The following PWWP3A variants were observed in gnomAD, a reference collection of about 807,000 sequenced individuals.
The protein encoded by PWWP3A is PWWP domain containing 3A, DNA repair factor, also known as PWWP domain-containing DNA repair factor 3A.
Under a neutral mutation model 79.0 loss-of-function variants are expected in PWWP3A, and 53 were observed. That is an observed-to-expected ratio of 0.67 (90% CI 0.54 to 0.84). The LOEUF is 0.84. Ranked by LOEUF, PWWP3A falls within the 40% of genes least tolerant of loss-of-function variation. The probability of loss-of-function intolerance (pLI) is 0.00; values close to 1 mark genes in which losing one functional copy is unlikely to be tolerated. For synonymous variants in PWWP3A, 443 were observed against 394.4 expected, an observed-to-expected ratio of 1.12 and a Z score of -1.46; for missense variants, 973 against 948.0, an observed-to-expected ratio of 1.03 and a Z score of -0.35.
intron 8 of PWWP3A, among the ~76,000 whole-genome samples, chr19:1,366,703 C>T (rs552413608): frequency 6.6e-6 from 1 of 152,260 alleles, no homozygotes; most frequent in African/African-American, 2.4e-5. Context: ...AAAATGTCCA[C>T]GCAGGTGTGC....
chr19:1,375,282 A>G (rs1464000314), intron 13 of PWWP3A, among the ~76,000 whole-genome samples: 2 of 150,026 alleles, frequency 1.3e-5, no homozygotes, highest in Non-Finnish European at 3.0e-5. Context: ...TCTTAAGTGT[A>G]TGGTTCGATG....
At chr19:1,362,103 T>A in intron 5 of PWWP3A, 147 bp from the exon 6 acceptor site, 1 of 514,436 alleles carries the variant, frequency 1.9e-6, no homozygotes, top group Non-Finnish European at 3.4e-6. Flanking sequence ...AGAAGCGCAC[T>A]CTGTTTGAAT....
intron 7 of PWWP3A, among the ~76,000 whole-genome samples, chr19:1,365,643 C>T (rs1404236479): frequency 6.6e-6 from 1 of 152,214 alleles, no homozygotes; most frequent in Non-Finnish European, 1.5e-5. Context: ...GGCTTCTGGA[C>T]CCTCCGCCCT....
chr19:1,376,834 T>C lies in PWWP3A; in HGVS notation c.*258T>C. On this transcript the variant is annotated 3_prime_UTR_variant, in exon 14 of 14. Transcript: ENST00000591337. ...CAAGATACCGTTCGGGAAAGGCTTT[T>C]GAAAGGACGGAAGCGTATTCACTGT... 1 of 419,742 alleles carries C rather than the reference T, an allele frequency of 2.4e-6. No homozygotes were observed. Among genetic ancestry groups the C allele is most frequent in the Non-Finnish European group, 4.3e-6 (1 of 233,120 alleles). The allele number at this position is 419,742 out of a possible 1,614,324, so 26.0% of individuals were successfully genotyped here. A position where few individuals can be genotyped will look rare whatever the true frequency, so the allele number is the denominator to read the frequency against.
At position 1,377,016 on chromosome 19, in the gene PWWP3A, T is replaced by C. The variant is rs1227154202; in HGVS notation, c.*440T>C. 2 of 154,490 alleles carry C rather than the reference T, an allele frequency of 1.3e-5. No individual in the cohort carries two copies. The highest frequency in any genetic ancestry group is 1.4e-5 in the Non-Finnish European group (1 of 69,640). 9.6% of individuals were successfully genotyped at this position (154,490 alleles called of 1,614,324 possible). On this transcript the variant is annotated 3_prime_UTR_variant, in exon 14 of 14. Coordinates refer to ENST00000591337, the MANE Select transcript of PWWP3A (RefSeq NM_001369789.1). Reference sequence around the variant, plus strand: ...GTTCTTCCGGGTTTGCTGTTTTGTCTGTTTCCCCCTTGTGTGGTTTCCGCC... The same window carrying C: ...GTTCTTCCGGGTTTGCTGTTTTGTCCGTTTCCCCCTTGTGTGGTTTCCGCC...
chr19:1,370,271 GCCA>G lies in PWWP3A; in HGVS notation c.1550-366_1550-364del, dbSNP rs542760139. On this transcript the variant is annotated intron_variant, in intron 11 of 13. Coordinates refer to ENST00000591337, the MANE Select transcript of PWWP3A (RefSeq NM_001369789.1). ...CGTGTCACGAACACCGGGATGTTTG[GCCA>G]CCACTTCACTGTCGATCCAGCATTT... Among the ~76,000 whole-genome samples, 80 of 152,278 alleles carry G rather than the reference GCCA, an allele frequency of 5.3e-4. 1 individual carries two copies. The South Asian group carries it at 0.016, about 31-fold the overall frequency.
chr19:1,358,594 C>T (rs567042146), intron 4 of PWWP3A, 130 bp downstream of exon 4: 23 of 1,586,030 alleles, frequency 1.5e-5, no homozygotes, highest in South Asian at 1.1e-4. Context: ...CAAGGGAACG[C>T]GAATCCCCTG....
In PWWP3A at chr19:1,367,096, G is replaced by A. The variant is rs80117987; in HGVS notation, c.1362-64G>A. 4.4e-3 allele frequency: 6,005 copies of A among 1,353,724 alleles called. 228 individuals are homozygous for A. The African/African-American group carries it at 0.078, about 18-fold the overall frequency. The allele number at this position is 1,353,724 out of a possible 1,614,324, so 83.9% of individuals were successfully genotyped here. On this transcript the variant is annotated intron_variant, in intron 8 of 13. Transcript: ENST00000591337. ...TCCACTGATCTTAATCAGAGACAGG[G>A]AAAGGTTTTTAGCTTATTAGAGGAA...
rs968821160 is a variant in PWWP3A at position 1,362,028 on chromosome 19, T to TCTCC, written c.1112-213_1112-210dup. 44 of 381,828 alleles carry TCTCC rather than the reference T, an allele frequency of 1.2e-4. No homozygotes were observed. In the East Asian group the frequency reaches 2.0e-3, roughly 17 times the overall value. The allele number at this position is 381,828 out of a possible 1,614,324, so 23.7% of individuals were successfully genotyped here. On this transcript the variant is annotated intron_variant, in intron 5 of 13. Coordinates refer to ENST00000591337, the MANE Select transcript of PWWP3A (RefSeq NM_001369789.1). Reference sequence around the variant, plus strand: ...CCGCCTTCCCTTCACCGCAGGCCTCTCTCCCTCCCTCCTTCCCTCCTTCCC... The same window carrying TCTCC: ...CCGCCTTCCCTTCACCGCAGGCCTCTCTCCCTCCCTCCCTCCTTCCCTCCTTCCC...
intron 12 of PWWP3A, among the ~76,000 whole-genome samples, chr19:1,371,945 C>T (rs2082270255): frequency 6.6e-6 from 1 of 151,670 alleles, no homozygotes; most frequent in Admixed American, 6.6e-5. Flanking sequence ...GCTGGGACTA[C>T]AGGCGCCCGC....
chr19:1,374,526 G>A (rs1349029491), intron 13 of PWWP3A, among the ~76,000 whole-genome samples: 1 of 152,160 alleles, frequency 6.6e-6, no homozygotes, highest in Non-Finnish European at 1.5e-5. Flanking sequence ...TCCCAAGGCT[G>A]TCCTCCTCAG....
At position 1,368,319 on chromosome 19, in the gene PWWP3A, C is replaced by A. The variant is rs931452500; in HGVS notation, c.1423-946C>A. Among the ~76,000 whole-genome samples, 1 of 152,130 alleles carries A rather than the reference C, an allele frequency of 6.6e-6. No homozygotes were observed. The highest frequency in any genetic ancestry group is 1.5e-5 in the Non-Finnish European group (1 of 68,034). On this transcript the variant is annotated intron_variant, in intron 9 of 13. Coordinates refer to ENST00000591337, the MANE Select transcript of PWWP3A (RefSeq NM_001369789.1). The surrounding 1 kb of genome is among the most constrained non-coding windows in gnomAD (Gnocchi z 4.7). ...AACGCAGAAGGGCTGCCGTTTATAT[C>A]AAAAACCCTGGGTTCTGAGAGCACA...
Position 1,370,947 on chromosome 19 carries a change from C to G in PWWP3A, c.1855C>G (p.Leu619Val). ...GTACGTGACCTGTGTGGAGACCTACCTGGAGGATGAGGGGCAGCTGGACCT... is the reference window on the plus strand; with the variant it reads ...GTACGTGACCTGTGTGGAGACCTACGTGGAGGATGAGGGGCAGCTGGACCT... ...SQYVTCVETY[L>V]EDEGQLDLVV... The change falls in exon 12 of 14, where the codon CTG becomes GTG. Residue 619 changes from leucine to valine, a missense_variant. Coordinates refer to ENST00000591337, the MANE Select transcript of PWWP3A (RefSeq NM_001369789.1). 2 of 1,557,488 alleles carry G rather than the reference C, an allele frequency of 1.3e-6. No individual in the cohort carries two copies. The highest frequency in any genetic ancestry group is 4.8e-5 in the East Asian group (2 of 41,554).
rs2082165789 is a variant in PWWP3A at position 1,368,015 on chromosome 19, C to G, written c.1422+795C>G. ...TCTCAGCTCACTGCAACCTCCACCTCCTGGGTTCATGCGATTCTGCTGCCT... is the reference window on the plus strand; with the variant it reads ...TCTCAGCTCACTGCAACCTCCACCTGCTGGGTTCATGCGATTCTGCTGCCT... On this transcript the variant is annotated intron_variant, in intron 9 of 13. Coordinates refer to ENST00000591337, the MANE Select transcript of PWWP3A (RefSeq NM_001369789.1). This position sits in a 1 kb window ranked among gnomAD's most constrained non-coding sequence, Gnocchi z 4.7. 1.3e-5 allele frequency among the ~76,000 whole-genome samples: 2 copies of G among 152,178 alleles called. No homozygotes were observed. The highest frequency in any genetic ancestry group is 4.8e-5 in the African/African-American group (2 of 41,444).
At chr19:1,371,365 G>T (rs1444959615) in intron 12 of PWWP3A, 5 of 703,432 alleles carry the variant, frequency 7.1e-6, no homozygotes, top group Non-Finnish European at 1.3e-5. Flanking sequence ...TACTGCGGGC[G>T]CACAGATGCT....
In PWWP3A at chr19:1,358,238, A is replaced by G. The variant is rs959596567; in HGVS notation, c.144-156A>G. ...CAGGGTTCTTGCTGCCTGTAACCTC[A>G]GGCAGATGAATTCCTAGTTGGCTGT... On this transcript the variant is annotated intron_variant, in intron 3 of 13. Coordinates refer to ENST00000591337, the MANE Select transcript of PWWP3A (RefSeq NM_001369789.1). The G allele has an allele frequency of 3.0e-4, 189 of 629,636 alleles. 2 individuals carry two copies. Among genetic ancestry groups the G allele is most frequent in the Non-Finnish European group, 3.8e-4 (139 of 365,606 alleles). The allele number at this position is 629,636 out of a possible 1,614,324, so 39.0% of individuals were successfully genotyped here.
At chr19:1,362,037 C>G (rs756646701) in intron 5 of PWWP3A, 25 of 388,202 alleles carry the variant, frequency 6.4e-5, no homozygotes, top group Middle Eastern at 5.6e-4. Flanking sequence ...CTCTCCCTCC[C>G]TCCTTCCCTC....
rs1477371924 is a variant in PWWP3A, at chr19:1,360,264, G to GCTGACCGGT, written c.346_354dup (p.Asp116_Ser118dup). ...AGAAAGCTCTGCAGGGACAGGTAGA[G>GCTGACCGGT]CTGACCGGTCTCTGCGAGGGAAGCC... On this transcript the variant is annotated inframe_insertion, in exon 5 of 14. Transcript: ENST00000591337. The surrounding 1 kb of genome is among the most constrained non-coding windows in gnomAD (Gnocchi z 4.4). 1 of 1,614,042 alleles carries GCTGACCGGT rather than the reference G, an allele frequency of 6.2e-7. No individual in the cohort carries two copies. The highest frequency in any genetic ancestry group is 1.3e-5 in the African/African-American group (1 of 74,948).
chr19:1,368,506 C>T lies in PWWP3A; in HGVS notation c.1423-759C>T, dbSNP rs1311809288. On this transcript the variant is annotated intron_variant, in intron 9 of 13. Transcript: ENST00000591337. The surrounding 1 kb of genome is among the most constrained non-coding windows in gnomAD (Gnocchi z 4.7). ...GAAAGTGCGGGGGCTGCTGGGCAGG[C>T]AGAGAGCGGCGTCCACCCGGCCCTG... 2.0e-5 allele frequency among the ~76,000 whole-genome samples: 3 copies of T among 152,088 alleles called. No individual in the cohort carries two copies. The highest frequency in any genetic ancestry group is 4.1e-4 in the South Asian group (2 of 4,824).
Sources: gnomAD v4.1 joint callset for allele counts (sites outside exome capture counted in the v4.1 genomes callset) on GRCh38, gnomAD v4.1.1 for gene constraint, Gnocchi (gnomAD v3.1) non-coding constraint, MANE v1.5 for transcripts, NCBI Gene and HGNC (gene_info 2026-07-23, HGNC 2026-07-21) for gene names.